The following FBXL18 variants were observed in gnomAD, a reference collection of about 807,000 sequenced individuals.
FBXL18 encodes the protein F-box/LRR-repeat protein 18.
A neutral mutation model predicts 46.0 loss-of-function variants in FBXL18; 36 were observed. The observed-to-expected ratio is 0.78, with a 90% CI of 0.60 to 1.03. The LOEUF (loss-of-function observed/expected upper bound fraction) is 1.03, where lower values mean the gene tolerates loss of function less well. Among genes scored for constraint, FBXL18 ranks in the 50% least tolerant of loss-of-function variants. The pLI, the probability that FBXL18 is intolerant of heterozygous loss-of-function variation, is 0.00. For missense variants in FBXL18, 977 were observed against 1,004.1 expected, an observed-to-expected ratio of 0.97 and a Z score of 0.36; for synonymous variants, 557 against 465.3, an observed-to-expected ratio of 1.20 and a Z score of -2.54.
chr7:5,497,006 G>A (rs1453193939), intron 3 of FBXL18, among the ~76,000 whole-genome samples: 2 of 147,898 alleles, frequency 1.4e-5, no homozygotes, highest in African/African-American at 5.0e-5. Context: ...ACTCAAGCCT[G>A]GGTGACAGAG....
chr7:5,463,215 GT>G (rs1783282591), intron 4 of FBXL18, among the ~76,000 whole-genome samples: 1 of 151,388 alleles, frequency 6.6e-6, no homozygotes, highest in African/African-American at 2.4e-5. Context: ...ATATAAAATG[GT>G]GCAGCTGCTG....
chr7:5,512,890 A>C (rs1784576325), intron 1 of FBXL18, among the ~76,000 whole-genome samples: 1 of 152,060 alleles, frequency 6.6e-6, no homozygotes, highest in African/African-American at 2.4e-5. Flanking sequence ...TGAGGAAGAC[A>C]CTTGAGCCTC....
intron 4 of FBXL18, among the ~76,000 whole-genome samples, chr7:5,482,811 G>A (rs1047900543): frequency 2.6e-5 from 4 of 152,246 alleles, no homozygotes; most frequent in Admixed American, 6.5e-5. Context: ...TGAGGTGGGA[G>A]GATTGTTTGA....
intron 4 of FBXL18, among the ~76,000 whole-genome samples, chr7:5,484,469 CAA>C (rs35237238): frequency 2.5e-4 from 17 of 68,274 alleles, no homozygotes; most frequent in Admixed American, 3.2e-4. Context: ...GACTCTGTCT[CAA>C]AAAAAAAAAA....
At position 5,500,058 on chromosome 7, in the gene FBXL18, C is replaced by T. The variant is rs539143975; in HGVS notation, c.1781+430G>A. On this transcript the variant is annotated intron_variant, in intron 3 of 4. Transcript: ENST00000382368. ...CCAGCTTGGATGACAGAGCGAGACC[C>T]TGTCTCAAAAATAAATAAATAAATA... is the stretch of plus-strand genomic sequence containing the variant. Among the ~76,000 whole-genome samples, 437 of 149,592 alleles carry T rather than the reference C, an allele frequency of 2.9e-3. 3 individuals carry two copies. The highest frequency in any genetic ancestry group is 0.01 in the African/African-American group (416 of 40,480).
chr7:5,457,575 G>A (rs914385157), intron 4 of FBXL18, among the ~76,000 whole-genome samples: 3 of 152,208 alleles, frequency 2.0e-5, no homozygotes, highest in Non-Finnish European at 2.9e-5. Flanking sequence ...AGGCCACCTC[G>A]GAAGCCATAC....
At chr7:5,474,571 C>T (rs1452848827), downstream of FBXL18, among the ~76,000 whole-genome samples, 1 of 152,152 alleles carries the variant, frequency 6.6e-6, no homozygotes, top group Non-Finnish European at 1.5e-5. Flanking sequence ...CTGCCTCGAT[C>T]TCCCAAAGTG....
intron 4 of FBXL18, among the ~76,000 whole-genome samples, chr7:5,457,206 A>T (rs1783185885): frequency 6.6e-6 from 1 of 152,202 alleles, no homozygotes; most frequent in South Asian, 2.1e-4. Flanking sequence ...AGCACCACAA[A>T]ATTCGATCTG....
At chr7:5,458,526 C>T (rs752944847) in intron 4 of FBXL18, among the ~76,000 whole-genome samples, 2 of 151,898 alleles carry the variant, frequency 1.3e-5, no homozygotes, top group African/African-American at 4.8e-5. Flanking sequence ...GATGAAACTC[C>T]GTCTCTACTA....
chr7:5,461,346 C>T (rs562013993), intron 4 of FBXL18, among the ~76,000 whole-genome samples: 2 of 152,290 alleles, frequency 1.3e-5, no homozygotes, highest in East Asian at 3.9e-4. Context: ...GCCAGAGGAT[C>T]GCTTGAGCCC....
chr7:5,498,335 C>T (rs1784139870), intron 3 of FBXL18, among the ~76,000 whole-genome samples: 1 of 152,200 alleles, frequency 6.6e-6, no homozygotes, highest in Non-Finnish European at 1.5e-5. Flanking sequence ...ATCCACCCGC[C>T]TCGGCCTCCC....
In FBXL18 at chr7:5,498,577, C is replaced by A. The variant is rs1023228956; in HGVS notation, c.1781+1911G>T. ...GCCCATTTGGGGTAATTTTTCTTTT[C>A]TTTGCTTTTCTTTTTGAGAGTCTCA... On this transcript the variant is annotated intron_variant, in intron 3 of 4. Transcript: ENST00000382368. 2.0e-5 allele frequency among the ~76,000 whole-genome samples: 3 copies of A among 151,336 alleles called. No individual in the cohort carries two copies. In the South Asian group the frequency reaches 6.3e-4, roughly 32 times the overall value.
In FBXL18 at chr7:5,462,996, A is replaced by ATATAT. The variant is rs59380871; in HGVS notation, c.2001-15154_2001-15153insATATA. On this transcript the variant is annotated intron_variant and NMD_transcript_variant, in intron 4 of 6. Coordinates refer to the FBXL18 transcript ENST00000415009. ...TATATATATATATATATATATATATAATATATATACACACACACATGCATA... is the reference window on the plus strand; with the variant it reads ...TATATATATATATATATATATATATATATATATATATATACACACACACATGCATA... Among the ~76,000 whole-genome samples the ATATAT allele has an allele frequency of 5.5e-3, 153 of 27,726 alleles. 10 individuals are homozygous for ATATAT. The highest frequency in any genetic ancestry group is 0.012 in the East Asian group (11 of 940). 18.2% of individuals were successfully genotyped at this position (27,726 alleles called of 152,430 possible). A position where few individuals can be genotyped will look rare whatever the true frequency, so the allele number is the denominator to read the frequency against.
intron 4 of FBXL18, among the ~76,000 whole-genome samples, chr7:5,488,826 G>A (rs531958630): frequency 1.1e-4 from 16 of 152,160 alleles, no homozygotes; most frequent in Non-Finnish European, 1.5e-4. Context: ...TTAGCCTCTC[G>A]GTACCACAGC....
At chr7:5,492,028 C>A (rs146721645) in intron 3 of FBXL18, among the ~76,000 whole-genome samples, 1 of 151,122 alleles carries the variant, frequency 6.6e-6, no homozygotes, top group Non-Finnish European at 1.5e-5. Context: ...GGGAGGACAG[C>A]GCTGGATGGC....
intron 4 of FBXL18, among the ~76,000 whole-genome samples, chr7:5,468,791 G>A (rs1179808450): frequency 2.0e-5 from 3 of 151,934 alleles, no homozygotes; most frequent in Non-Finnish European, 2.9e-5. Context: ...GTAGAGACAA[G>A]GATCTCACTA....
At chr7:5,456,259 C>A (rs1256436443) in intron 4 of FBXL18, among the ~76,000 whole-genome samples, 1 of 152,240 alleles carries the variant, frequency 6.6e-6, no homozygotes, top group African/African-American at 2.4e-5. Context: ...AGTGCTCCCC[C>A]TGCACCAGTC....
intron 4 of FBXL18, among the ~76,000 whole-genome samples, chr7:5,486,700 G>C (rs1006805752): frequency 6.6e-6 from 1 of 152,202 alleles, no homozygotes; most frequent in Admixed American, 6.5e-5. Context: ...CCGATACCCA[G>C]TCGTGTGTGA....
intron 4 of FBXL18, among the ~76,000 whole-genome samples, chr7:5,486,250 T>TCAAAA (rs1783773228): frequency 2.7e-4 from 5 of 18,610 alleles, no homozygotes; most frequent in Non-Finnish European, 4.8e-4. Flanking sequence ...AAACTCCATC[T>TCAAAA]CAAAAAAAAA....
Sources: gnomAD v4.1 joint callset for allele counts (sites outside exome capture counted in the v4.1 genomes callset) on GRCh38, gnomAD v4.1.1 for gene constraint, MANE v1.5 for transcripts, NCBI Gene and HGNC (gene_info 2026-07-23, HGNC 2026-07-21) for gene names.